The following CDH23 variants were observed in gnomAD, a reference collection of about 807,000 sequenced individuals.
CDH23 encodes the protein cadherin-23.
Under a neutral mutation model 317.1 loss-of-function variants are expected in CDH23, and 189 were observed. The ratio of observed to expected loss-of-function variants is 0.60; its 90% CI spans 0.53 to 0.67. CDH23 has a LOEUF of 0.67. CDH23 is among the 30% of genes least tolerant of loss of function. The pLI is 0.00. For missense variants in CDH23, 4,401 were observed against 4,592.4 expected (o/e 0.96, Z 1.20); for synonymous variants, 1,839 against 1,876.8 (o/e 0.98, Z 0.52).
chr10:71,615,902 A>C (rs544285684), intron 10 of CDH23, among the ~76,000 whole-genome samples: 145 of 152,340 alleles, frequency 9.5e-4, no homozygotes, highest in African/African-American at 3.4e-3. Flanking sequence ...GTAGGTGCTC[A>C]TCCTGTGGTC....
At chr10:71,592,793 C>T (rs147457750) in intron 9 of CDH23, among the ~76,000 whole-genome samples, 1 of 152,192 alleles carries the variant, frequency 6.6e-6, no homozygotes, top group Non-Finnish European at 1.5e-5. Context: ...TTCAGCCCAC[C>T]ATAGCATCCG....
intron 60 of CDH23, among the ~76,000 whole-genome samples, chr10:71,809,514 A>C (rs1244850017): frequency 6.6e-6 from 1 of 152,144 alleles, no homozygotes; most frequent in African/African-American, 2.4e-5. Flanking sequence ...TGTTTGAAAG[A>C]GAGAGGAGAA....
intron 38 of CDH23, among the ~76,000 whole-genome samples, chr10:71,746,405 C>G (rs1424420590): frequency 6.6e-6 from 1 of 152,236 alleles, no homozygotes; most frequent in Non-Finnish European, 1.5e-5. Flanking sequence ...AGGCCACCCC[C>G]ATCCGGCCTC....
chr10:71,600,116 C>A (rs1860122811), intron 9 of CDH23, among the ~76,000 whole-genome samples: 1 of 150,782 alleles, frequency 6.6e-6, no homozygotes. Flanking sequence ...AAATCTCCTG[C>A]CTCAGCCTCC....
At chr10:71,430,101 C>A (rs1849298998) in intron 1 of CDH23, among the ~76,000 whole-genome samples, 1 of 152,096 alleles carries the variant, frequency 6.6e-6, no homozygotes, top group Non-Finnish European at 1.5e-5. Flanking sequence ...GGGTGACTGG[C>A]AGTGACCCCA....
In CDH23 at chr10:71,682,582, C is replaced by T; in HGVS notation, c.1986+10C>T. 6.2e-7 allele frequency: 1 copy of T among 1,612,440 alleles called. No individual in the cohort carries two copies. Among genetic ancestry groups the T allele is most frequent in the Non-Finnish European group, 8.5e-7 (1 of 1,179,270 alleles). On this transcript the variant is annotated intron_variant, in intron 18 of 69. Transcript: ENST00000224721. The stretch of plus-strand genomic sequence containing the variant: ...CACCATCGAGGTGTTTGTAAGTACC[C>T]AGGGCCACTGGCCTTGCCCTGCTAG...
Position 71,440,407 on chromosome 10 carries a change from G to A in CDH23, c.67+509G>A, listed in dbSNP as rs554502894. On this transcript the variant is annotated intron_variant, in intron 2 of 69. Transcript: ENST00000224721. ...AATAGAGTGGTAATGAAAGATGGGC[G>A]CGGCTCCAGGGATGTCCATCGGAAG... 8.6e-4 allele frequency among the ~76,000 whole-genome samples: 131 copies of A among 152,328 alleles called. 1 individual carries two copies. Among genetic ancestry groups the A allele is most frequent in the African/African-American group, 3.1e-3 (128 of 41,568 alleles).
chr10:71,601,970 G>A (rs910102096), intron 9 of CDH23, among the ~76,000 whole-genome samples: 13 of 150,908 alleles, frequency 8.6e-5, no homozygotes, highest in South Asian at 2.2e-4. Context: ...GAGGGGGGGG[G>A]GCTCTGCAGC....
At chr10:71,620,880 G>A (rs1489620505) in intron 11 of CDH23, among the ~76,000 whole-genome samples, 1 of 152,218 alleles carries the variant, frequency 6.6e-6, no homozygotes, top group African/African-American at 2.4e-5. Flanking sequence ...GGAGGGATGA[G>A]TTGCTTTCGG....
At chr10:71,724,417 C>T (rs997782955) in intron 29 of CDH23, among the ~76,000 whole-genome samples, 6 of 152,206 alleles carry the variant, frequency 3.9e-5, no homozygotes, top group African/African-American at 1.4e-4. Flanking sequence ...CTCAGCCTCC[C>T]GTCCCCAGTA....
chr10:71,716,142 G>T, intron 28 of CDH23: 1 of 1,550,522 alleles, frequency 6.4e-7, no homozygotes, highest in Non-Finnish European at 8.7e-7. Flanking sequence ...CGGCGGCTCG[G>T]GTCCAGCGCG....
intron 8 of CDH23, among the ~76,000 whole-genome samples, chr10:71,574,362 C>T (rs532531726): frequency 3.3e-5 from 5 of 152,130 alleles, no homozygotes; most frequent in South Asian, 4.1e-4. Flanking sequence ...AGTGAAGGGC[C>T]GATAGAAGGT....
At chr10:71,708,076 G>A (rs554519329) in intron 26 of CDH23, among the ~76,000 whole-genome samples, 47 of 152,178 alleles carry the variant, frequency 3.1e-4, no homozygotes, top group Non-Finnish European at 5.9e-4. Context: ...CACCAGCTCC[G>A]TGGCTCCACT....
At chr10:71,601,933 A>T (rs1342503604) in intron 9 of CDH23, among the ~76,000 whole-genome samples, 1 of 135,468 alleles carries the variant, frequency 7.4e-6, no homozygotes, top group African/African-American at 2.7e-5. Context: ...CAGGCATTGG[A>T]GCAGGGCCTG....
intron 18 of CDH23, 47 bp downstream of exon 18, chr10:71,682,619 G>A (rs1864702774): frequency 1.2e-6 from 2 of 1,603,592 alleles, no homozygotes; most frequent in African/African-American, 1.3e-5. Flanking sequence ...GTAAGGGATG[G>A]TGAGTGCTTC....
intron 6 of CDH23, among the ~76,000 whole-genome samples, chr10:71,552,728 C>G (rs768867199): frequency 6.6e-6 from 1 of 152,082 alleles, no homozygotes; most frequent in Non-Finnish European, 1.5e-5. Flanking sequence ...GGACAAGGAC[C>G]GGAAAGCCAA....
intron 2 of CDH23, among the ~76,000 whole-genome samples, chr10:71,442,976 G>A (rs1849966624): frequency 6.6e-6 from 1 of 152,208 alleles, no homozygotes; most frequent in South Asian, 2.1e-4. Context: ...CAGAGGGAGA[G>A]GGATCTGCCT....
intron 33 of CDH23, 93 bp from the exon 34 acceptor site, chr10:71,734,563 C>A: frequency 6.2e-7 from 1 of 1,606,226 alleles, no homozygotes; most frequent in Non-Finnish European, 8.5e-7. Flanking sequence ...AGAGACACTG[C>A]CGGGAGTGGG....
intron 27 of CDH23, among the ~76,000 whole-genome samples, chr10:71,710,068 G>A (rs1372225638): frequency 6.6e-6 from 1 of 152,110 alleles, no homozygotes; most frequent in Non-Finnish European, 1.5e-5. Context: ...TCTCCCGCTG[G>A]CTCCCTCCCA....
Sources: allele counts gnomAD v4.1 joint callset (sites outside exome capture counted in the v4.1 genomes callset), GRCh38; gene constraint gnomAD v4.1.1; transcripts MANE v1.5; gene names NCBI Gene and HGNC (gene_info 2026-07-23, HGNC 2026-07-21).